PDS5A: variants seen among roughly 807,000 people sequenced by gnomAD.
The protein encoded by PDS5A is sister chromatid cohesion protein PDS5 homolog A.
Under a neutral mutation model 167.1 loss-of-function variants are expected in PDS5A, and 42 were observed. That is an observed-to-expected ratio of 0.25 (90% confidence interval 0.20 to 0.33). PDS5A has a LOEUF of 0.33. PDS5A is among the 10% of genes least tolerant of loss of function. The pLI, the probability that PDS5A is intolerant of heterozygous loss-of-function variation, is 1.00. For synonymous variants in PDS5A, 553 were observed against 554.6 expected (o/e 1.00, Z 0.04); for missense variants, 1,033 against 1,605.9 (o/e 0.64, Z 6.10).
chr4:39,849,250 C>T (rs1717904682), intron 27 of PDS5A, among the ~76,000 whole-genome samples: 1 of 152,222 alleles, frequency 6.6e-6, no homozygotes. Context: ...TTGTCTGTAA[C>T]TCTTACTGTA....
chr4:39,977,639 G>C lies in PDS5A; in HGVS notation c.-223C>G, dbSNP rs988066946. ...GTGCCGAGGAGGAGCAGCCGCCGCG[G>C]GGGGAGACGCGGGGCGAGTGAGCGC... On this transcript the variant is annotated 5_prime_UTR_variant, in exon 1 of 33. Coordinates refer to ENST00000303538, the MANE Select transcript of PDS5A (RefSeq NM_001100399.2). The surrounding 1 kb of genome is among the most constrained non-coding windows in gnomAD (Gnocchi z 4.2). The C allele has an allele frequency of 1.8e-4, 27 of 152,640 alleles. No individual in the cohort carries two copies. Among genetic ancestry groups the C allele is most frequent in the South Asian group, 1.1e-3 (6 of 5,664 alleles). The allele number at this position is 152,640 out of a possible 1,614,324, so 9.5% of individuals were successfully genotyped here.
At chr4:39,874,667 TAAC>T (rs1177887245) in intron 19 of PDS5A, among the ~76,000 whole-genome samples, 4 of 152,184 alleles carry the variant, frequency 2.6e-5, no homozygotes, top group Non-Finnish European at 4.4e-5. Flanking sequence ...ATATGCAAAA[TAAC>T]AAGCAACCCT....
chr4:39,896,129 A>C (rs1722390971), intron 16 of PDS5A, among the ~76,000 whole-genome samples: 1 of 151,480 alleles, frequency 6.6e-6, no homozygotes, highest in African/African-American at 2.4e-5. Context: ...TGTAGGCTTA[A>C]AATCCTGGGC....
chr4:39,930,246 A>AAAAAAAAAATT, intron 2 of PDS5A, among the ~76,000 whole-genome samples: 1 of 93,090 alleles, frequency 1.1e-5, no homozygotes, highest in African/African-American at 3.7e-5. Flanking sequence ...AAAAAAAAAA[A>AAAAAAAAAATT]GTTTTTTTGT....
At chr4:39,925,025 C>A (rs550007558) in intron 5 of PDS5A, among the ~76,000 whole-genome samples, 3 of 152,066 alleles carry the variant, frequency 2.0e-5, no homozygotes, top group Non-Finnish European at 4.4e-5. Context: ...GACAGGAGGA[C>A]TGCTTGAACC....
chr4:39,965,589 CAT>C, intron 2 of PDS5A, among the ~76,000 whole-genome samples: 2 of 152,320 alleles, frequency 1.3e-5, no homozygotes, highest in South Asian at 4.1e-4. Context: ...AGTAATAACA[CAT>C]GCTATAATAC....
At chr4:39,890,410 AT>A in intron 16 of PDS5A, 46 bp from the exon 17 acceptor site, 1 of 1,034,832 alleles carries the variant, frequency 9.7e-7, no homozygotes. Context: ...TTGCTTTCAT[AT>A]TTTTGAAAAG....
intron 2 of PDS5A, among the ~76,000 whole-genome samples, chr4:39,944,414 C>T (rs558754618): frequency 5.3e-5 from 8 of 151,978 alleles, no homozygotes; most frequent in Non-Finnish European, 1.0e-4. Context: ...GAGAGTGTGG[C>T]GGGGCACAGT....
chr4:39,870,270 T>C (rs985992411), intron 21 of PDS5A, among the ~76,000 whole-genome samples: 7 of 152,130 alleles, frequency 4.6e-5, no homozygotes, highest in Non-Finnish European at 2.9e-5. Context: ...AAAGATGACA[T>C]AGGAAGAAAT....
chr4:39,924,344 A>G (rs563479507), intron 5 of PDS5A, among the ~76,000 whole-genome samples: 1 of 152,356 alleles, frequency 6.6e-6, no homozygotes, highest in Admixed American at 6.5e-5. Context: ...TTTGTAATGC[A>G]GCAAAAGCTA....
At chr4:39,915,239 A>G (rs1042550711) in intron 8 of PDS5A, among the ~76,000 whole-genome samples, 35 of 151,516 alleles carry the variant, frequency 2.3e-4, no homozygotes, top group African/African-American at 8.5e-4. Context: ...GAATCTTACC[A>G]TGCTGACAAG....
intron 2 of PDS5A, among the ~76,000 whole-genome samples, chr4:39,928,872 T>C (rs1725707260): frequency 6.6e-6 from 1 of 151,080 alleles, no homozygotes; most frequent in Non-Finnish European, 1.5e-5. Context: ...TGCAGTTGTA[T>C]TTCTAATTAA....
intron 10 of PDS5A, chr4:39,909,965 T>C: frequency 3.7e-6 from 1 of 269,244 alleles, no homozygotes; most frequent in Non-Finnish European, 6.9e-6. Flanking sequence ...AAGCTGGGCA[T>C]TGTAGCACCC....
At chr4:39,900,575 T>C in intron 13 of PDS5A, 68 bp from the exon 14 acceptor site, 5 of 1,011,332 alleles carry the variant, frequency 4.9e-6, no homozygotes, top group Non-Finnish European at 6.1e-6. Context: ...CTTTACAACC[T>C]TTCTTGTTGC....
chr4:39,950,953 G>A (rs910907636), intron 2 of PDS5A, among the ~76,000 whole-genome samples: 1 of 151,936 alleles, frequency 6.6e-6, no homozygotes, highest in Non-Finnish European at 1.5e-5. Context: ...GACCAGGCTG[G>A]AATACAGTGG....
At chr4:39,882,920 A>G (rs772995561) in intron 17 of PDS5A, among the ~76,000 whole-genome samples, 1 of 152,180 alleles carries the variant, frequency 6.6e-6, no homozygotes, top group Non-Finnish European at 1.5e-5. Context: ...ACAAATCTTC[A>G]CCATTCTAAA....
chr4:39,963,254 G>A (rs757840671), intron 2 of PDS5A, among the ~76,000 whole-genome samples: 7 of 151,912 alleles, frequency 4.6e-5, no homozygotes, highest in Admixed American at 2.6e-4. Flanking sequence ...TCAAGAGTTC[G>A]AGACTAGCCT....
chr4:39,905,428 C>T (rs964541525), intron 11 of PDS5A, among the ~76,000 whole-genome samples: 7 of 152,052 alleles, frequency 4.6e-5, no homozygotes, highest in South Asian at 4.1e-4. Context: ...CATGGTGGCA[C>T]GCACCACTAA....
At chr4:39,870,545 G>A (rs529191252) in intron 21 of PDS5A, among the ~76,000 whole-genome samples, 2 of 151,990 alleles carry the variant, frequency 1.3e-5, no homozygotes, top group African/African-American at 2.4e-5. Flanking sequence ...CCAAGGTTGC[G>A]CTAGTGCACC....
Sources: allele counts gnomAD v4.1 joint callset (sites outside exome capture counted in the v4.1 genomes callset), GRCh38; gene constraint gnomAD v4.1.1; non-coding constraint Gnocchi (gnomAD v3.1); transcripts MANE v1.5; gene names NCBI Gene and HGNC (gene_info 2026-07-23, HGNC 2026-07-21).